SYNPR: variants seen among roughly 807,000 people sequenced by gnomAD.
SYNPR encodes synaptoporin.
A neutral mutation model predicts 32.9 loss-of-function variants in SYNPR; 23 were observed. The ratio of observed to expected loss-of-function variants is 0.70; its 90% CI spans 0.50 to 0.99. The LOEUF (loss-of-function observed/expected upper bound fraction) is 0.99, where lower values mean the gene tolerates loss of function less well. SYNPR is among the 50% of genes least tolerant of loss of function. SYNPR has a pLI of 0.00. For synonymous variants in SYNPR, 146 were observed against 135.9 expected, an observed-to-expected ratio of 1.07 and a Z score of -0.52; for missense variants, 318 against 349.3, an observed-to-expected ratio of 0.91 and a Z score of 0.71.
rs1702636620 is a variant in SYNPR, at chr3:63,558,864, A to T, written c.408+2123A>T. 2.0e-5 allele frequency among the ~76,000 whole-genome samples: 3 copies of T among 151,580 alleles called. No individual in the cohort carries two copies. In the South Asian group the frequency reaches 6.2e-4, roughly 31 times the overall value. On this transcript the variant is annotated intron_variant, in intron 4 of 5. Coordinates refer to ENST00000478300, the MANE Select transcript of SYNPR (RefSeq NM_001130003.2). ...ATAATATGCTTTCCAGAAAAAAAAA[A>T]TTATATTGTGCTATAATTCTGTGAG... is the stretch of plus-strand genomic sequence containing the variant.
intron 2 of SYNPR, among the ~76,000 whole-genome samples, chr3:63,331,306 T>G (rs1290887350): frequency 3.9e-5 from 6 of 152,198 alleles, no homozygotes; most frequent in Non-Finnish European, 7.3e-5. Flanking sequence ...GACTATCATT[T>G]CAGAATTCTT....
chr3:63,392,429 A>T (rs569863069), intron 2 of SYNPR, among the ~76,000 whole-genome samples: 1 of 152,344 alleles, frequency 6.6e-6, no homozygotes, highest in South Asian at 2.1e-4. Flanking sequence ...ATAATCCTTG[A>T]CAGCTAGTGT....
chr3:63,519,333 T>C (rs1352918711), intron 3 of SYNPR, among the ~76,000 whole-genome samples: 1 of 152,206 alleles, frequency 6.6e-6, no homozygotes, highest in East Asian at 1.9e-4. Context: ...CTTAATCTCA[T>C]CTCTTCATCT....
intron 2 of SYNPR, among the ~76,000 whole-genome samples, chr3:63,449,968 C>A (rs1358289142): frequency 6.6e-6 from 1 of 152,160 alleles, no homozygotes; most frequent in Non-Finnish European, 1.5e-5. Context: ...CATGTCCTGG[C>A]TTAAAAACCA....
At chr3:63,201,778 A>C in the SYNPR span, among the ~76,000 whole-genome samples, 1 of 152,178 alleles carries the variant, frequency 6.6e-6, no homozygotes, top group Non-Finnish European at 1.5e-5. Flanking sequence ...TGAAAGTGTC[A>C]AGAGGAATTA....
rs562781206 is a variant in SYNPR, at chr3:63,596,968, C to T, written c.409-12157C>T. On this transcript the variant is annotated intron_variant, in intron 4 of 5. Transcript: ENST00000478300. ...TAAGTGTAAAATACACATCACGTTT[C>T]AAAGACTTAGTATCAAAAAAGTAAA... 3.4e-4 allele frequency among the ~76,000 whole-genome samples: 51 copies of T among 152,150 alleles called. 3 individuals carry two copies. In the South Asian group the frequency reaches 0.01, roughly 31 times the overall value.
chr3:63,317,806 G>GT (rs1266203606), intron 2 of SYNPR, among the ~76,000 whole-genome samples: 1 of 151,658 alleles, frequency 6.6e-6, no homozygotes, highest in African/African-American at 2.4e-5. Flanking sequence ...GTTTTTGTTT[G>GT]TTTTTTATTT....
intron 2 of SYNPR, among the ~76,000 whole-genome samples, chr3:63,452,558 A>T (rs1004586602): frequency 6.6e-6 from 1 of 152,208 alleles, no homozygotes; most frequent in Non-Finnish European, 1.5e-5. Flanking sequence ...AAGAGTTTGC[A>T]TAGATGACAT....
chr3:63,368,068 G>T (rs2107046694), intron 2 of SYNPR, among the ~76,000 whole-genome samples: 1 of 152,304 alleles, frequency 6.6e-6, no homozygotes, highest in East Asian at 1.9e-4. Flanking sequence ...TTGGCAGCAA[G>T]AAATTTTTAA....
In SYNPR at chr3:63,592,518, G is replaced by A. The variant is rs541675314; in HGVS notation, c.409-16607G>A. On this transcript the variant is annotated intron_variant, in intron 4 of 5. Coordinates refer to ENST00000478300, the MANE Select transcript of SYNPR (RefSeq NM_001130003.2). ...AATGCTGAATTAAAAGGGCAAGGGA[G>A]AAACTAAGTTAAGTGGATGGTTAGG... Among the ~76,000 whole-genome samples the A allele has an allele frequency of 2.0e-5, 3 of 152,140 alleles. No homozygotes were observed. In the South Asian group the frequency reaches 6.2e-4, roughly 32 times the overall value.
intron 3 of SYNPR, among the ~76,000 whole-genome samples, chr3:63,503,884 A>G (rs977368763): frequency 2.0e-5 from 3 of 152,048 alleles, no homozygotes; most frequent in African/African-American, 7.2e-5. Flanking sequence ...GATATCAATA[A>G]TATTTTAATT....
chr3:63,218,208 G>C, the SYNPR span, among the ~76,000 whole-genome samples: 1 of 152,188 alleles, frequency 6.6e-6, no homozygotes, highest in Non-Finnish European at 1.5e-5. Flanking sequence ...GGAGGGTGGA[G>C]CAAATACTAG....
intron 1 of SYNPR, among the ~76,000 whole-genome samples, chr3:63,249,721 A>T (rs2086316250): frequency 6.6e-6 from 1 of 152,142 alleles, no homozygotes; most frequent in Admixed American, 6.6e-5. Context: ...AAAAATGGAA[A>T]CAACATAAGT....
chr3:63,514,356 T>A (rs1227923251), intron 3 of SYNPR, among the ~76,000 whole-genome samples: 1 of 152,222 alleles, frequency 6.6e-6, no homozygotes, highest in African/African-American at 2.4e-5. Context: ...TTACACCTGC[T>A]GAAGAAGACA....
chr3:63,434,468 C>A (rs1328179236), intron 2 of SYNPR, among the ~76,000 whole-genome samples: 2 of 152,204 alleles, frequency 1.3e-5, no homozygotes, highest in African/African-American at 4.8e-5. Context: ...CTATGACACC[C>A]CCCCTTCATG....
chr3:63,334,881 G>A (rs967674627), intron 2 of SYNPR, among the ~76,000 whole-genome samples: 3 of 152,098 alleles, frequency 2.0e-5, no homozygotes, highest in African/African-American at 7.2e-5. Context: ...AGTTCCACTA[G>A]CAGATACTTT....
intron 4 of SYNPR, among the ~76,000 whole-genome samples, chr3:63,599,961 G>A (rs528779626): frequency 2.0e-5 from 3 of 152,126 alleles, no homozygotes; most frequent in Non-Finnish European, 4.4e-5. Flanking sequence ...AAATTGTTTA[G>A]GTAGTACCAA....
chr3:63,283,670 G>T (rs2086653240), intron 2 of SYNPR, among the ~76,000 whole-genome samples: 1 of 127,374 alleles, frequency 7.9e-6, no homozygotes, highest in African/African-American at 3.0e-5. Flanking sequence ...TGTCACCCAC[G>T]ATGGAGGGCA....
At chr3:63,569,289 G>T (rs1702845726) in intron 4 of SYNPR, among the ~76,000 whole-genome samples, 1 of 152,050 alleles carries the variant, frequency 6.6e-6, no homozygotes, top group South Asian at 2.1e-4. Context: ...CCCAGAAGTT[G>T]ATTATCTTCC....
Sources: gnomAD v4.1 joint callset for allele counts (sites outside exome capture counted in the v4.1 genomes callset) on GRCh38, gnomAD v4.1.1 for gene constraint, MANE v1.5 for transcripts, NCBI Gene and HGNC (gene_info 2026-07-23, HGNC 2026-07-21) for gene names.